PDE4D: variants seen among roughly 807,000 people sequenced by gnomAD.
PDE4D encodes 3',5'-cyclic-AMP phosphodiesterase 4D.
Under a neutral mutation model 87.4 loss-of-function variants are expected in PDE4D, and 24 were observed. That is an observed-to-expected ratio of 0.27 (90% confidence interval 0.20 to 0.39). The LOEUF (loss-of-function observed/expected upper bound fraction) is 0.39, where lower values mean the gene tolerates loss of function less well. PDE4D is among the 10% of genes least tolerant of loss of function. The pLI, the probability that PDE4D is intolerant of heterozygous loss-of-function variation, is 1.00. For missense variants in PDE4D, 714 were observed against 1,041.0 expected, an observed-to-expected ratio of 0.69 and a Z score of 4.32; for synonymous variants, 384 against 383.2, an observed-to-expected ratio of 1.00 and a Z score of -0.02.
chr5:58,983,572 A>G (rs980055979), intron 11 of PDE4D, among the ~76,000 whole-genome samples: 4 of 152,198 alleles, frequency 2.6e-5, no homozygotes, highest in Admixed American at 2.0e-4. Flanking sequence ...AAAGGAGAGT[A>G]GTTAGTTATC....
chr5:60,478,844 TTGTATA>T (rs1259855870), intron 1 of PDE4D, among the ~76,000 whole-genome samples: 2 of 152,198 alleles, frequency 1.3e-5, no homozygotes, highest in Non-Finnish European at 2.9e-5. Flanking sequence ...TCAGAATCCA[TTGTATA>T]TTCTTTTCCA....
chr5:60,051,055 T>C (rs1770085196), intron 2 of PDE4D, among the ~76,000 whole-genome samples: 1 of 152,186 alleles, frequency 6.6e-6, no homozygotes, highest in Non-Finnish European at 1.5e-5. Flanking sequence ...TGTAGAGAAC[T>C]ACAAAGAGAC....
chr5:60,376,178 T>G (rs1055895991), intron 1 of PDE4D, among the ~76,000 whole-genome samples: 2 of 152,226 alleles, frequency 1.3e-5, no homozygotes, highest in African/African-American at 4.8e-5. Flanking sequence ...TACAAATTTA[T>G]TATCTTATAG....
chr5:59,277,296 C>G (rs1765005824), intron 1 of PDE4D, among the ~76,000 whole-genome samples: 1 of 152,118 alleles, frequency 6.6e-6, no homozygotes, highest in Non-Finnish European at 1.5e-5. Flanking sequence ...CGGTAAATGC[C>G]AATAAATTGC....
At chr5:59,743,479 A>G (rs1759155582) in intron 1 of PDE4D, among the ~76,000 whole-genome samples, 4 of 152,158 alleles carry the variant, frequency 2.6e-5, no homozygotes, top group South Asian at 2.1e-4. Flanking sequence ...CAAAACCTCA[A>G]TAAGATATAA....
chr5:59,102,586 G>C (rs1770941599), intron 5 of PDE4D, among the ~76,000 whole-genome samples: 1 of 152,198 alleles, frequency 6.6e-6, no homozygotes. Context: ...TATTAAAGCA[G>C]AGACACAGAC....
chr5:59,400,923 T>C (rs1790493972), intron 1 of PDE4D, among the ~76,000 whole-genome samples: 3 of 152,142 alleles, frequency 2.0e-5, no homozygotes, highest in African/African-American at 4.8e-5. Flanking sequence ...TATGCATGTA[T>C]GCATATATAC....
At chr5:59,274,411 T>A (rs995480548) in intron 1 of PDE4D, among the ~76,000 whole-genome samples, 5 of 152,120 alleles carry the variant, frequency 3.3e-5, no homozygotes, top group African/African-American at 1.2e-4. Flanking sequence ...AGTATTTACA[T>A]GTGTGTTTGC....
At chr5:59,893,787 G>A, upstream of PDE4D, 2 of 1,335,126 alleles carry the variant, frequency 1.5e-6, no homozygotes, top group East Asian at 3.2e-5. Flanking sequence ...CAGGGCTACC[G>A]AGAGGGGGCC....
At chr5:60,143,497 G>C (rs967548478) in intron 2 of PDE4D, among the ~76,000 whole-genome samples, 2 of 152,112 alleles carry the variant, frequency 1.3e-5, no homozygotes, top group African/African-American at 2.4e-5. Context: ...AACAGTGGCT[G>C]TCAACTCCAG....
At chr5:59,459,143 T>C (rs529021521) in intron 1 of PDE4D, among the ~76,000 whole-genome samples, 1 of 152,338 alleles carries the variant, frequency 6.6e-6, no homozygotes, top group Non-Finnish European at 1.5e-5. Context: ...ATTTACTCCA[T>C]TTCTAAGTAT....
In PDE4D at chr5:60,170,000, T is replaced by C. The variant is rs558966990; in HGVS notation, c.42+15557A>G. Reference sequence around the variant, plus strand: ...AGAAAATGGCTCAGTTTTTACTCTGTACTCTGCATTTTTCTTTCTTTTTTG... The same window carrying C: ...AGAAAATGGCTCAGTTTTTACTCTGCACTCTGCATTTTTCTTTCTTTTTTG... On this transcript the variant is annotated intron_variant, in intron 2 of 16. Transcript: ENST00000502484. Among the ~76,000 whole-genome samples the C allele has an allele frequency of 5.9e-5, 9 of 152,148 alleles. No individual in the cohort carries two copies. In the South Asian group the frequency reaches 1.7e-3, roughly 28 times the overall value.
intron 3 of PDE4D, among the ~76,000 whole-genome samples, chr5:59,189,232 GT>G (rs34203891): frequency 0.26 from 26,213 of 99,066 alleles, 3,636 homozygotes; most frequent in Admixed American, 0.36. Flanking sequence ...TTCCTACCCC[GT>G]TTTTTTTTTT....
chr5:59,467,805 T>C (rs1801804490), intron 1 of PDE4D, among the ~76,000 whole-genome samples: 1 of 152,212 alleles, frequency 6.6e-6, no homozygotes, highest in Non-Finnish European at 1.5e-5. Flanking sequence ...TTGAGTTCAC[T>C]GGTATTTCAT....
intron 1 of PDE4D, among the ~76,000 whole-genome samples, chr5:59,221,457 C>T (rs1339388860): frequency 6.6e-6 from 1 of 151,992 alleles, no homozygotes. Flanking sequence ...CATGGTGAAA[C>T]ACCATCTTTA....
intron 1 of PDE4D, among the ~76,000 whole-genome samples, chr5:59,675,179 G>A (rs1325685278): frequency 1.2e-5 from 1 of 84,852 alleles, no homozygotes; most frequent in Non-Finnish European, 2.5e-5. Flanking sequence ...GCTGAATTGT[G>A]ATTCAAATCT....
chr5:60,130,225 T>C (rs551969335), intron 2 of PDE4D, among the ~76,000 whole-genome samples: 27 of 152,338 alleles, frequency 1.8e-4, no homozygotes, highest in Admixed American at 2.6e-4. Flanking sequence ...GCAGCTCAAA[T>C]GGACTTAGAC....
intron 1 of PDE4D, among the ~76,000 whole-genome samples, chr5:59,595,488 G>A (rs1017940948): frequency 2.2e-4 from 34 of 152,114 alleles, no homozygotes; most frequent in Admixed American, 1.0e-3. Context: ...GTTTACCACC[G>A]ATTTTTATGT....
intron 1 of PDE4D, among the ~76,000 whole-genome samples, chr5:59,470,964 T>C (rs1802349487): frequency 1.3e-5 from 2 of 152,248 alleles, no homozygotes; most frequent in Admixed American, 1.3e-4. Context: ...CCGAGTGCAA[T>C]GGCTCATACC....
Sources: gnomAD v4.1 joint callset for allele counts (sites outside exome capture counted in the v4.1 genomes callset) on GRCh38, gnomAD v4.1.1 for gene constraint, MANE v1.5 for transcripts, NCBI Gene and HGNC (gene_info 2026-07-23, HGNC 2026-07-21) for gene names.